Variants in VGLL3 observed in about 807,000 individuals in gnomAD.
The protein encoded by VGLL3 is vestigial like family member 3, also known as transcription cofactor vestigial-like protein 3.
VGLL3 carries 18 observed loss-of-function variants against 29.2 expected under a neutral mutation model. The ratio of observed to expected loss-of-function variants is 0.62; its 90% CI spans 0.43 to 0.91. The LOEUF is 0.91. Ranked by LOEUF, VGLL3 falls within the 40% of genes least tolerant of loss-of-function variation. VGLL3 has a pLI of 0.00. For missense variants in VGLL3, 440 were observed against 413.2 expected (o/e 1.06, Z -0.56); for synonymous variants, 180 against 151.8 (o/e 1.19, Z -1.36).
At chr3:86,955,872 A>T (rs2106977162) in intron 3 of VGLL3, among the ~76,000 whole-genome samples, 1 of 152,354 alleles carries the variant, frequency 6.6e-6, no homozygotes, top group South Asian at 2.1e-4. Context: ...TGTGTTAAAA[A>T]AATTATGAAT....
At chr3:86,952,941 G>T (rs1468208829) in intron 3 of VGLL3, among the ~76,000 whole-genome samples, 3 of 152,064 alleles carry the variant, frequency 2.0e-5, no homozygotes, top group Admixed American at 2.0e-4. Flanking sequence ...GCATTTGTTT[G>T]TCTGAGCCCT....
chr3:86,971,506 G>A (rs1320128095), intron 2 of VGLL3, among the ~76,000 whole-genome samples: 1 of 152,168 alleles, frequency 6.6e-6, no homozygotes, highest in African/African-American at 2.4e-5. Context: ...GAATGGAACT[G>A]CACACTTTAA....
intron 3 of VGLL3, among the ~76,000 whole-genome samples, chr3:86,966,551 A>G (rs911274749): frequency 6.6e-6 from 1 of 151,668 alleles, no homozygotes; most frequent in Non-Finnish European, 1.5e-5. Context: ...AACCATTTTA[A>G]TAGTTGAATT....
chr3:86,982,375 A>G (rs1575879890), intron 1 of VGLL3, among the ~76,000 whole-genome samples: 1 of 149,454 alleles, frequency 6.7e-6, no homozygotes, highest in African/African-American at 2.5e-5. Flanking sequence ...CAAACTCCTG[A>G]CCTCAGGTGA....
chr3:86,986,966 C>A (rs996836793), intron 1 of VGLL3, among the ~76,000 whole-genome samples: 2 of 151,924 alleles, frequency 1.3e-5, no homozygotes, highest in Non-Finnish European at 2.9e-5. Flanking sequence ...GCATATTAAT[C>A]TTCATTAGAA....
intron 3 of VGLL3, among the ~76,000 whole-genome samples, chr3:86,953,721 T>C (rs368526896): frequency 6.6e-6 from 1 of 152,200 alleles, no homozygotes; most frequent in Non-Finnish European, 1.5e-5. Context: ...GTTTTAACTC[T>C]GGCCACATGT....
In VGLL3 at chr3:86,978,754, G is replaced by A; in HGVS notation, c.175C>T (p.Leu59Phe). The change falls in exon 2 of 4, where the codon CTT becomes TTT. Residue 59 changes from leucine (L) to phenylalanine (F), a missense_variant. Transcript: ENST00000398399. ...SKMQDSLEVT[L>F]PSKQEEEDEE... The stretch of plus-strand genomic sequence containing the variant: ...TCCTCCTCCTCTTGTTTGCTGGGAA[G>A]GGTGACTTCCAGAGAGTCCTGCATC... 4 of 1,613,740 alleles carry A rather than the reference G, an allele frequency of 2.5e-6. No homozygotes were observed. The highest frequency in any genetic ancestry group is 3.4e-6 in the Non-Finnish European group (4 of 1,179,862).
At chr3:86,958,582 C>G (rs1310443816) in intron 3 of VGLL3, among the ~76,000 whole-genome samples, 1 of 152,174 alleles carries the variant, frequency 6.6e-6, no homozygotes, top group African/African-American at 2.4e-5. Context: ...CACAGAAGCC[C>G]ATGGGCATGA....
intron 1 of VGLL3, among the ~76,000 whole-genome samples, chr3:86,986,140 C>A (rs1329491364): frequency 1.3e-5 from 2 of 152,058 alleles, no homozygotes; most frequent in Non-Finnish European, 2.9e-5. Flanking sequence ...ACTTTCCACT[C>A]TAAACACCTC....
intron 3 of VGLL3, among the ~76,000 whole-genome samples, chr3:86,955,001 G>A (rs1704689858): frequency 6.6e-6 from 1 of 151,630 alleles, no homozygotes; most frequent in South Asian, 2.1e-4. Flanking sequence ...GATAACAAAT[G>A]TAGCCAAACA....
intron 3 of VGLL3, among the ~76,000 whole-genome samples, chr3:86,951,500 C>A (rs1230163164): frequency 6.6e-6 from 1 of 152,122 alleles, no homozygotes; most frequent in Non-Finnish European, 1.5e-5. Flanking sequence ...GCTAAGATTT[C>A]AACATATGAA....
At chr3:86,951,237 G>A (rs1299658614) in intron 3 of VGLL3, among the ~76,000 whole-genome samples, 6 of 152,106 alleles carry the variant, frequency 3.9e-5, no homozygotes, top group African/African-American at 7.2e-5. Context: ...GTCTTAGTTC[G>A]TTTGGGCTGC....
At chr3:86,987,044 T>G (rs550682535) in intron 1 of VGLL3, among the ~76,000 whole-genome samples, 313 of 152,162 alleles carry the variant, frequency 2.1e-3, no homozygotes, top group Non-Finnish European at 3.4e-3. Flanking sequence ...TTAAAAAAAT[T>G]TAAAAAGCTT....
At chr3:86,952,170 C>T (rs1377605071) in intron 3 of VGLL3, among the ~76,000 whole-genome samples, 1 of 152,064 alleles carries the variant, frequency 6.6e-6, no homozygotes, top group Non-Finnish European at 1.5e-5. Flanking sequence ...CCTTTCAACT[C>T]AAATGGGATT....
chr3:86,990,847 C>T lies in VGLL3; in HGVS notation c.-104G>A. The T allele has an allele frequency of 8.5e-7, 1 of 1,172,070 alleles. No homozygotes were observed. The highest frequency in any genetic ancestry group is 1.1e-6 in the Non-Finnish European group (1 of 942,212). The allele number at this position is 1,172,070 out of a possible 1,614,324, so 72.6% of individuals were successfully genotyped here. On this transcript the variant is annotated 5_prime_UTR_variant, in exon 1 of 4. Coordinates refer to ENST00000398399, the MANE Select transcript of VGLL3 (RefSeq NM_016206.4). ...GCCGCAGCTGCCGCCTCTGTCGCTG[C>T]TCCAGCTGCTACTGCGGCGAAGGCG...
In VGLL3 at chr3:86,968,861, C is replaced by A; in HGVS notation, c.666G>T (p.Met222Ile). ...GGTGGTGCCGCATGTACACGTCATG[C>A]ATATGGCTGTAGGATGGGCTCACCT... ...TSQVSPSYSH[M>I]HDVYMRHHHP... The change falls in exon 3 of 4, where the codon ATG (methionine) becomes ATT (isoleucine). Residue 222 changes from methionine (M) to isoleucine (I), a missense_variant. Physicochemically the swap from Met to Ile is conservative, Grantham distance 10. Transcript: ENST00000398399. The A allele has an allele frequency of 6.2e-7, 1 of 1,614,162 alleles. No homozygotes were observed. The highest frequency in any genetic ancestry group is 8.5e-7 in the Non-Finnish European group (1 of 1,180,048).
intron 3 of VGLL3, among the ~76,000 whole-genome samples, chr3:86,966,565 C>A (rs1221296927): frequency 1.3e-5 from 2 of 151,344 alleles, no homozygotes. Flanking sequence ...TTGAATTCAC[C>A]TAATTTTATC....
chr3:86,965,627 C>T (rs572071337), intron 3 of VGLL3, among the ~76,000 whole-genome samples: 3 of 152,206 alleles, frequency 2.0e-5, no homozygotes, highest in South Asian at 4.2e-4. Context: ...CTCTTGTTGC[C>T]GGCAATTCCT....
At chr3:86,962,737 G>T in intron 3 of VGLL3, 1 of 637,434 alleles carries the variant, frequency 1.6e-6, no homozygotes, top group Non-Finnish European at 1.9e-6. Flanking sequence ...GTACATGAGG[G>T]CTGGACACAG....
Sources: allele counts gnomAD v4.1 joint callset (sites outside exome capture counted in the v4.1 genomes callset), GRCh38; gene constraint gnomAD v4.1.1; transcripts MANE v1.5; gene names NCBI Gene and HGNC (gene_info 2026-07-23, HGNC 2026-07-21).